The following FOXK2 variants were observed in gnomAD, a reference collection of about 807,000 sequenced individuals.
The protein encoded by FOXK2 is forkhead box K2.
A neutral mutation model predicts 53.3 loss-of-function variants in FOXK2; 24 were observed. The ratio of observed to expected loss-of-function variants is 0.45; its 90% confidence interval spans 0.33 to 0.63. The LOEUF is 0.63. Among genes scored for constraint, FOXK2 ranks in the 30% least tolerant of loss-of-function variants. FOXK2 has a pLI of 0.03. For synonymous variants in FOXK2, 505 were observed against 407.1 expected, an observed-to-expected ratio of 1.24 and a Z score of -2.89; for missense variants, 952 against 910.5, an observed-to-expected ratio of 1.05 and a Z score of -0.59.
intron 3 of FOXK2, among the ~76,000 whole-genome samples, chr17:82,571,180 G>T (rs1307485352): frequency 1.3e-5 from 2 of 152,152 alleles, no homozygotes; most frequent in African/African-American, 2.4e-5. Flanking sequence ...CTCCACTGAG[G>T]TCAAGCAGCC....
chr17:82,541,774 G>A (rs957497097), intron 1 of FOXK2, among the ~76,000 whole-genome samples: 8 of 151,320 alleles, frequency 5.3e-5, no homozygotes, highest in African/African-American at 1.9e-4. Flanking sequence ...GCAGTGGTGC[G>A]ATCATGGCTC....
At chr17:82,551,102 G>A (rs2044672611) in intron 1 of FOXK2, among the ~76,000 whole-genome samples, 1 of 151,814 alleles carries the variant, frequency 6.6e-6, no homozygotes. Flanking sequence ...CGGATCACAA[G>A]CTCAGGAGAC....
chr17:82,559,308 C>T, intron 1 of FOXK2: 3 of 449,232 alleles, frequency 6.7e-6, no homozygotes, highest in Non-Finnish European at 1.4e-5. Context: ...TTCTTCCCAT[C>T]TCTGCTACTG....
At chr17:82,599,009 C>A (rs2045349938) in intron 8 of FOXK2, 1 of 152,266 alleles carries the variant, frequency 6.6e-6, no homozygotes, top group South Asian at 2.1e-4. Flanking sequence ...TCTGGAGTCT[C>A]CCCTGCCCTC....
chr17:82,582,637 C>A, intron 4 of FOXK2, 104 bp from the exon 5 acceptor site: 1 of 895,870 alleles, frequency 1.1e-6, no homozygotes, highest in Non-Finnish European at 1.7e-6. Context: ...GTCTGCCAGG[C>A]CCAACATGTA....
chr17:82,588,983 C>T (rs193192692), intron 8 of FOXK2, among the ~76,000 whole-genome samples: 17 of 151,590 alleles, frequency 1.1e-4, no homozygotes, highest in African/African-American at 3.6e-4. Flanking sequence ...CGCTTGAACC[C>T]GAGTGTGGAG....
At chr17:82,564,326 A>C (rs748357145) in intron 2 of FOXK2, among the ~76,000 whole-genome samples, 3 of 151,840 alleles carry the variant, frequency 2.0e-5, no homozygotes, top group Non-Finnish European at 4.4e-5. Context: ...TGACCTCGTC[A>C]TCCACCTCCC....
chr17:82,586,837 G>C (rs1006934386), intron 7 of FOXK2, among the ~76,000 whole-genome samples: 1 of 152,060 alleles, frequency 6.6e-6, no homozygotes, highest in Non-Finnish European at 1.5e-5. Flanking sequence ...GAAGGTGGAG[G>C]TTGCAGTGAG....
Position 82,551,008 on chromosome 17 carries a change from G to A in FOXK2, c.420-12346G>A, listed in dbSNP as rs183560020. On this transcript the variant is annotated intron_variant, in intron 1 of 8. Coordinates refer to ENST00000335255, the MANE Select transcript of FOXK2 (RefSeq NM_004514.4). ...GTCAAAGCCTGTTTTAAGCTTCGGAGGCTTAGGTTAGAAGATTTGTGCTGA... is the reference window on the plus strand; with the variant it reads ...GTCAAAGCCTGTTTTAAGCTTCGGAAGCTTAGGTTAGAAGATTTGTGCTGA... 1.5e-3 allele frequency among the ~76,000 whole-genome samples: 222 copies of A among 152,290 alleles called. 1 individual carries two copies. Among genetic ancestry groups the A allele is most frequent in the African/African-American group, 5.2e-3 (215 of 41,568 alleles).
chr17:82,590,463 T>G (rs1179439262), intron 8 of FOXK2, among the ~76,000 whole-genome samples: 2 of 152,322 alleles, frequency 1.3e-5, no homozygotes, highest in East Asian at 3.9e-4. Context: ...CCAGCACGTC[T>G]TTTCATGTAC....
Position 82,519,868 on chromosome 17 carries a change from C to CG in FOXK2, c.-16dup. The CG allele has an allele frequency of 1.0e-6, 1 of 972,712 alleles. No homozygotes were observed. The highest frequency in any genetic ancestry group is 1.2e-6 in the Non-Finnish European group (1 of 822,258). The allele number at this position is 972,712 out of a possible 1,614,324, so 60.3% of individuals were successfully genotyped here. On this transcript the variant is annotated 5_prime_UTR_variant, in exon 1 of 9. Coordinates refer to ENST00000335255, the MANE Select transcript of FOXK2 (RefSeq NM_004514.4). ...CCACCGGCGCCCGCGCGGAGCGGCC[C>CG]GGGGGCCCTCACGCAGGCCCATGGC...
intron 8 of FOXK2, chr17:82,593,747 G>A (rs2045280527): frequency 6.6e-6 from 1 of 152,368 alleles, no homozygotes; most frequent in African/African-American, 2.4e-5. Context: ...GATTTGGGGT[G>A]AGGATTTGAT....
chr17:82,557,287 C>G (rs1369654747), intron 1 of FOXK2, among the ~76,000 whole-genome samples: 3 of 151,972 alleles, frequency 2.0e-5, no homozygotes, highest in Admixed American at 1.3e-4. Flanking sequence ...CCGCCTCAGC[C>G]TCCCAAAGTG....
intron 4 of FOXK2, among the ~76,000 whole-genome samples, chr17:82,582,304 C>T (rs984222657): frequency 6.6e-6 from 1 of 152,116 alleles, no homozygotes; most frequent in Admixed American, 6.6e-5. Flanking sequence ...GATTGCTCAT[C>T]CCTCCTGTTG....
chr17:82,586,042 T>C lies in FOXK2; in HGVS notation c.1418T>C (p.Val473Ala). 2 of 1,612,762 alleles carry C rather than the reference T, an allele frequency of 1.2e-6. No homozygotes were observed. The highest frequency in any genetic ancestry group is 1.7e-6 in the Non-Finnish European group (2 of 1,179,980). ...CCACCCGTCGTGCAGACGGTTCACG[T>C]CGTCCACCAGATCCCAGCGGTGTCG... is the stretch of plus-strand genomic sequence containing the variant. ...SQPPVVQTVH[V>A]VHQIPAVSVT... Residue 473 changes from valine (V) to alanine (A), a missense_variant, in exon 7 of 9, where the codon GTC becomes GCC. By Grantham distance (64) the Val-to-Ala change is moderately conservative. Coordinates refer to ENST00000335255, the MANE Select transcript of FOXK2 (RefSeq NM_004514.4).
intron 3 of FOXK2, among the ~76,000 whole-genome samples, chr17:82,571,356 G>T (rs1277497662): frequency 2.0e-5 from 3 of 152,062 alleles, no homozygotes; most frequent in African/African-American, 7.2e-5. Flanking sequence ...ATCCCAGCAC[G>T]TTGGGAGGCC....
intron 1 of FOXK2, among the ~76,000 whole-genome samples, chr17:82,523,007 A>C (rs762084091): frequency 6.6e-6 from 1 of 151,926 alleles, no homozygotes; most frequent in African/African-American, 2.4e-5. Flanking sequence ...GTTGGCCAGG[A>C]TGGTCTTGAT....
chr17:82,544,658 A>G (rs1256816874), intron 1 of FOXK2, among the ~76,000 whole-genome samples: 1 of 152,240 alleles, frequency 6.6e-6, no homozygotes. Flanking sequence ...ATTGGCTGCC[A>G]GATGATTTCA....
At chr17:82,550,932 C>T (rs1220896128) in intron 1 of FOXK2, among the ~76,000 whole-genome samples, 2 of 152,188 alleles carry the variant, frequency 1.3e-5, no homozygotes, top group Non-Finnish European at 2.9e-5. Flanking sequence ...AGTAAGCGTG[C>T]GTCACTGAAA....
Sources: gnomAD v4.1 joint callset for allele counts (sites outside exome capture counted in the v4.1 genomes callset) on GRCh38, gnomAD v4.1.1 for gene constraint, MANE v1.5 for transcripts, NCBI Gene and HGNC (gene_info 2026-07-23, HGNC 2026-07-21) for gene names.